Variants in PHACTR2 observed in about 807,000 individuals in gnomAD.
PHACTR2 encodes the protein phosphatase and actin regulator 2, also known as chromosome 6 open reading frame 56.
Under a neutral mutation model 76.0 loss-of-function variants are expected in PHACTR2, and 30 were observed. The ratio of observed to expected loss-of-function variants is 0.39; its 90% CI spans 0.30 to 0.54. PHACTR2 has a LOEUF of 0.54. Ranked by LOEUF, PHACTR2 falls within the 20% of genes least tolerant of loss-of-function variation. The pLI is 0.61. For synonymous variants in PHACTR2, 292 were observed against 292.5 expected, an observed-to-expected ratio of 1.00 and a Z score of 0.02; for missense variants, 696 against 781.1, an observed-to-expected ratio of 0.89 and a Z score of 1.30.
rs1363688846 is a variant in PHACTR2, at chr6:143,639,669, G to A, written c.13+31347G>A. Among the ~76,000 whole-genome samples, 1 of 152,136 alleles carries A rather than the reference G, an allele frequency of 6.6e-6. No individual in the cohort carries two copies. The highest frequency in any genetic ancestry group is 1.5e-5 in the Non-Finnish European group (1 of 68,026). On this transcript the variant is annotated intron_variant, in intron 1 of 11. Transcript: ENST00000305766. This position sits in a 1 kb window ranked among gnomAD's most constrained non-coding sequence, Gnocchi z 5.0. Reference sequence around the variant, plus strand: ...CCCATCATGAGTAAGGATAGCGATGGTTTGAGCAAGACAGTTGACAAGCTT... The same window carrying A: ...CCCATCATGAGTAAGGATAGCGATGATTTGAGCAAGACAGTTGACAAGCTT...
At position 143,753,413 on chromosome 6, in the gene PHACTR2, G is replaced by A. The variant is rs920230845; in HGVS notation, c.296-341G>A. Among the ~76,000 whole-genome samples, 19 of 151,850 alleles carry A rather than the reference G, an allele frequency of 1.3e-4. No individual in the cohort carries two copies. The highest frequency in any genetic ancestry group is 2.9e-4 in the African/African-American group (12 of 41,358). ...TTCCATTTTCCAGATTATTCCTCTC[G>A]CCATTCTGTTTCTGAATGACAAAGA... On this transcript the variant is annotated intron_variant, in intron 3 of 12. Transcript: ENST00000440869. The surrounding 1 kb of genome is among the most constrained non-coding windows in gnomAD (Gnocchi z 4.6).
rs540896535 is a variant in PHACTR2, at chr6:143,808,594, G to A, written c.1922+1461G>A. Among the ~76,000 whole-genome samples the A allele has an allele frequency of 5.9e-5, 9 of 152,232 alleles. No homozygotes were observed. In the East Asian group the frequency reaches 1.7e-3, roughly 29 times the overall value. ...GTATACAAGAGGATGGGTGTAGGTT[G>A]TATGTAAATTCTACACCATTTTCTA... On this transcript the variant is annotated intron_variant, in intron 12 of 12. Transcript: ENST00000440869.
intron 5 of PHACTR2, among the ~76,000 whole-genome samples, chr6:143,762,077 T>G (rs923512604): frequency 6.6e-6 from 1 of 152,162 alleles, no homozygotes; most frequent in Non-Finnish European, 1.5e-5. Flanking sequence ...CAGTGTCCAT[T>G]CTTGTTGGGA....
Position 143,580,303 on chromosome 6 carries a change from G to T in PHACTR2, c.217+43096G>T, listed in dbSNP as rs1443634997. 6.6e-6 allele frequency among the ~76,000 whole-genome samples: 1 copy of T among 152,148 alleles called. No homozygotes were observed. The highest frequency in any genetic ancestry group is 2.4e-5 in the African/African-American group (1 of 41,432). The stretch of plus-strand genomic sequence containing the variant: ...AATCGAGACCATCTTGGCCAACACG[G>T]TGAAACCCCGTCTCTACTAAAAATA... On this transcript the variant is annotated intron_variant, in intron 1 of 11. Coordinates refer to the PHACTR2 transcript ENST00000367584. The surrounding 1 kb of genome is among the most constrained non-coding windows in gnomAD (Gnocchi z 4.2).
At chr6:143,740,058 C>T (rs557254310) in intron 2 of PHACTR2, among the ~76,000 whole-genome samples, 3 of 152,140 alleles carry the variant, frequency 2.0e-5, no homozygotes, top group Non-Finnish European at 4.4e-5. Flanking sequence ...ACTCCATAGA[C>T]GGAGCAGCCC....
chr6:143,810,831 C>CAA (rs750421924), intron 12 of PHACTR2, among the ~76,000 whole-genome samples: 13 of 132,602 alleles, frequency 9.8e-5, no homozygotes, highest in African/African-American at 3.3e-4. Flanking sequence ...GACCCTGTCT[C>CAA]AAAAAAAAAA....
chr6:143,678,223 G>T lies in PHACTR2; in HGVS notation c.46+14G>T, dbSNP rs1192683579. 2 of 1,491,082 alleles carry T rather than the reference G, an allele frequency of 1.3e-6. No individual in the cohort carries two copies. Among genetic ancestry groups the T allele is most frequent in the Admixed American group, 4.7e-5 (2 of 42,204 alleles). The allele number at this position is 1,491,082 out of a possible 1,614,324, so 92.4% of individuals were successfully genotyped here. On this transcript the variant is annotated intron_variant, in intron 1 of 12. Coordinates refer to ENST00000440869, the MANE Select transcript of PHACTR2 (RefSeq NM_001100164.2). This position sits in a 1 kb window ranked among gnomAD's most constrained non-coding sequence, Gnocchi z 6.2. The stretch of plus-strand genomic sequence containing the variant: ...AGCCCGGCAGCGGTGAGTCCGGGGC[G>T]CACGCGATGCGCTCCCGCCGCGCGG...
At chr6:143,713,101 A>G (rs943459158) in intron 2 of PHACTR2, among the ~76,000 whole-genome samples, 1 of 152,238 alleles carries the variant, frequency 6.6e-6, no homozygotes, top group Non-Finnish European at 1.5e-5. Context: ...GTCACAGAGC[A>G]TATCTTATTG....
intron 1 of PHACTR2, among the ~76,000 whole-genome samples, chr6:143,594,446 G>A (rs1775726294): frequency 6.6e-6 from 1 of 152,228 alleles, no homozygotes; most frequent in Non-Finnish European, 1.5e-5. Context: ...TCAGTGGAAT[G>A]AATTTGTTCA....
Position 143,739,176 on chromosome 6 carries a change from T to C in PHACTR2, c.215-9809T>C, listed in dbSNP as rs1357958727. The stretch of plus-strand genomic sequence containing the variant: ...GCCTCCCGGGTTCACTCCGTTCTCC[T>C]GCCTCAGCCTCCCAAGTAGCTGGGA... On this transcript the variant is annotated intron_variant, in intron 2 of 12. Transcript: ENST00000440869. This position sits in a 1 kb window ranked among gnomAD's most constrained non-coding sequence, Gnocchi z 4.3. 6.6e-6 allele frequency among the ~76,000 whole-genome samples: 1 copy of C among 152,178 alleles called. No homozygotes were observed. Among genetic ancestry groups the C allele is most frequent in the African/African-American group, 2.4e-5 (1 of 41,446 alleles).
chr6:143,772,542 G>A lies in PHACTR2; in HGVS notation c.1432+85G>A, dbSNP rs1396250938. 1.1e-6 allele frequency: 1 copy of A among 916,540 alleles called. No homozygotes were observed. Among genetic ancestry groups the A allele is most frequent in the Admixed American group, 2.2e-5 (1 of 45,062 alleles). The allele number at this position is 916,540 out of a possible 1,614,324, so 56.8% of individuals were successfully genotyped here. On this transcript the variant is annotated intron_variant, in intron 7 of 12. Coordinates refer to ENST00000440869, the MANE Select transcript of PHACTR2 (RefSeq NM_001100164.2). The surrounding 1 kb of genome is among the most constrained non-coding windows in gnomAD (Gnocchi z 5.4). ...TTATAAAGAATAAAAGCCTCATTAG[G>A]AACCAGACATCTGATGTTTTCTTTC...
chr6:143,547,571 T>G lies in PHACTR2; in HGVS notation c.217+10364T>G, dbSNP rs994928643. The stretch of plus-strand genomic sequence containing the variant: ...GAGCTTTGAAACAGCCACTGTGACA[T>G]TTGTAGAAGGGACCCAATCAGATAT... On this transcript the variant is annotated intron_variant, in intron 1 of 11. Coordinates refer to the PHACTR2 transcript ENST00000367584. The surrounding 1 kb of genome is among the most constrained non-coding windows in gnomAD (Gnocchi z 4.2). 3.3e-5 allele frequency among the ~76,000 whole-genome samples: 5 copies of G among 152,180 alleles called. No individual in the cohort carries two copies. The highest frequency in any genetic ancestry group is 4.8e-5 in the African/African-American group (2 of 41,440).
In PHACTR2 at chr6:143,794,910, T is replaced by A. The variant is rs879305483; in HGVS notation, c.1845+6000T>A. 6.6e-6 allele frequency among the ~76,000 whole-genome samples: 1 copy of A among 152,182 alleles called. No homozygotes were observed. Among genetic ancestry groups the A allele is most frequent in the Non-Finnish European group, 1.5e-5 (1 of 68,024 alleles). On this transcript the variant is annotated intron_variant, in intron 11 of 12. Transcript: ENST00000440869. This position sits in a 1 kb window ranked among gnomAD's most constrained non-coding sequence, Gnocchi z 4.1. ...TGCCATTTTCTTAGCCCCATTAAGC[T>A]ACCACCTTGCATTTTAAAGAGTAGT...
intron 1 of PHACTR2, chr6:143,555,265 T>C (rs1031689975): frequency 6.6e-5 from 10 of 152,248 alleles, no homozygotes; most frequent in African/African-American, 2.4e-4. Flanking sequence ...CTATTTTCAG[T>C]CAGGTCATAT....
At chr6:143,593,046 C>CAAAAAA (rs67052242) in intron 1 of PHACTR2, among the ~76,000 whole-genome samples, 23 of 78,864 alleles carry the variant, frequency 2.9e-4, no homozygotes, top group African/African-American at 7.6e-4. Context: ...GACCCTGCCT[C>CAAAAAA]AAAAAAAAAA....
In PHACTR2 at chr6:143,806,944, G is replaced by A. The variant is rs531145397; in HGVS notation, c.1846-113G>A. The A allele has an allele frequency of 3.0e-5, 17 of 564,688 alleles. No individual in the cohort carries two copies. In the South Asian group the frequency reaches 3.1e-4, roughly 10 times the overall value. 35.0% of individuals were successfully genotyped at this position (564,688 alleles called of 1,614,324 possible). A position where few individuals can be genotyped will look rare whatever the true frequency, so the allele number is the denominator to read the frequency against. ...TCCACTCCAGCTTGGATGACAGAGC[G>A]AGACTCTATCTCTTAAAAAAAAAAA... On this transcript the variant is annotated intron_variant, in intron 11 of 12. Transcript: ENST00000440869. This position sits in a 1 kb window ranked among gnomAD's most constrained non-coding sequence, Gnocchi z 5.8.
At chr6:143,604,527 A>G (rs1476194268), upstream of PHACTR2, among the ~76,000 whole-genome samples, 1 of 152,138 alleles carries the variant, frequency 6.6e-6, no homozygotes, top group Non-Finnish European at 1.5e-5. Flanking sequence ...TATTATTGCC[A>G]CCTATTGCCA....
At position 143,740,611 on chromosome 6, in the gene PHACTR2, G is replaced by C. The variant is rs143164843; in HGVS notation, c.215-8374G>C. On this transcript the variant is annotated intron_variant, in intron 2 of 12. Coordinates refer to ENST00000440869, the MANE Select transcript of PHACTR2 (RefSeq NM_001100164.2). ...AGTGGAGAATTGCTTGTGGAGTAAG[G>C]CTGAGGTTCAAGTCTAATAGTTGGG... Among the ~76,000 whole-genome samples the C allele has an allele frequency of 3.4e-4, 52 of 152,214 alleles. No homozygotes were observed. In the East Asian group the frequency reaches 9.6e-3, roughly 28 times the overall value.
Position 143,610,276 on chromosome 6 carries a change from G to A in PHACTR2, c.13+1954G>A, listed in dbSNP as rs1023297238. Among the ~76,000 whole-genome samples the A allele has an allele frequency of 7.2e-6, 1 of 138,936 alleles. No individual in the cohort carries two copies. Among genetic ancestry groups the A allele is most frequent in the Non-Finnish European group, 1.5e-5 (1 of 64,816 alleles). The allele number at this position is 138,936 out of a possible 152,430, so 91.1% of individuals were successfully genotyped here. ...AAGGGAAGCATTTAAGATAAAACTG[G>A]TAAGTGGCAAAAAAAAAAATCTGAA... On this transcript the variant is annotated intron_variant, in intron 1 of 11. Coordinates refer to the PHACTR2 transcript ENST00000305766. This position sits in a 1 kb window ranked among gnomAD's most constrained non-coding sequence, Gnocchi z 4.9.
Sources: allele counts gnomAD v4.1 joint callset (sites outside exome capture counted in the v4.1 genomes callset), GRCh38; gene constraint gnomAD v4.1.1; non-coding constraint Gnocchi (gnomAD v3.1); transcripts MANE v1.5; gene names NCBI Gene and HGNC (gene_info 2026-07-23, HGNC 2026-07-21).